NOX1: variants seen among roughly 807,000 people sequenced by gnomAD.
NOX1 encodes the protein NADH/NADPH mitogenic oxidase subunit P65-MOX.
In NOX1, 34 loss-of-function variants were observed where a neutral mutation model predicts 42.5. The ratio of observed to expected loss-of-function variants is 0.80; its 90% CI spans 0.61 to 1.07. The LOEUF (loss-of-function observed/expected upper bound fraction) is 1.07, where lower values mean the gene tolerates loss of function less well. NOX1 is among the 50% of genes least tolerant of loss of function. NOX1 has a pLI of 0.00. For synonymous variants in NOX1, 143 were observed against 152.5 expected (o/e 0.94, Z 0.46); for missense variants, 408 against 427.0 (o/e 0.96, Z 0.39).
At chrX:100,864,805 G>A (rs1301224514) in intron 2 of NOX1, among the ~76,000 whole-genome samples, 1 of 112,185 alleles carries the variant, frequency 8.9e-6, no homozygotes, top group Non-Finnish European at 1.9e-5. Flanking sequence ...GGACTGCTAT[G>A]GAGTGTGACA....
chrX:100,848,533 C>A (rs2085089472), intron 12 of NOX1, 97 bp downstream of exon 12: 2 of 798,772 alleles, frequency 2.5e-6, no homozygotes, highest in African/African-American at 4.2e-5. Flanking sequence ...CTCAGGTGAT[C>A]CACCCACTTC....
At chrX:100,855,253 C>G in intron 7 of NOX1, 1 of 542,783 alleles carries the variant, frequency 1.8e-6, no homozygotes, top group Admixed American at 2.4e-5. Context: ...TGTCACTTCT[C>G]TGGCTCTCCT....
intron 8 of NOX1, among the ~76,000 whole-genome samples, chrX:100,850,831 A>G (rs1163115094): frequency 9.1e-6 from 1 of 109,485 alleles, no homozygotes; most frequent in African/African-American, 3.3e-5. Flanking sequence ...AGGTATGCCA[A>G]ACCCAAGTTC....
intron 2 of NOX1, among the ~76,000 whole-genome samples, chrX:100,864,164 A>G (rs2147917562): frequency 9.0e-6 from 1 of 110,788 alleles, no homozygotes; most frequent in Admixed American, 9.6e-5. Context: ...CAATTTTTGT[A>G]TTTTTGGTAG....
In NOX1 at chrX:100,849,762, G is replaced by A. The variant is rs749829288; in HGVS notation, c.1296+10C>T. The A allele has an allele frequency of 1.7e-6, 2 of 1,192,141 alleles. No individual in the cohort carries two copies. The highest frequency in any genetic ancestry group is 4.6e-5 in the Admixed American group (2 of 43,539). ...TCAGGCCAGAAGAAAAGTGATATAC[G>A]GGATTATACCTTTTTTGTTTTGAGG... On this transcript the variant is annotated intron_variant, in intron 10 of 12. Coordinates refer to ENST00000372966, the MANE Select transcript of NOX1 (RefSeq NM_007052.5).
intron 7 of NOX1, among the ~76,000 whole-genome samples, chrX:100,855,101 C>T (rs1462451522): frequency 8.9e-6 from 1 of 112,173 alleles, no homozygotes; most frequent in Non-Finnish European, 1.9e-5. Flanking sequence ...ACCTGTTATA[C>T]AATTAGTCAC....
intron 1 of NOX1, among the ~76,000 whole-genome samples, chrX:100,872,303 G>A (rs753243722): frequency 1.4e-4 from 16 of 111,251 alleles, no homozygotes; most frequent in South Asian, 3.8e-4. Context: ...TTTCTGGATC[G>A]CAAAGAGACA....
chrX:100,848,582 C>A lies in NOX1; in HGVS notation c.1568+48G>T, dbSNP rs749152980. 8.6e-6 allele frequency: 10 copies of A among 1,169,245 alleles called. No homozygotes were observed. The Admixed American group carries it at 1.4e-4, about 16-fold the overall frequency. On this transcript the variant is annotated intron_variant, in intron 12 of 12. Coordinates refer to ENST00000372966, the MANE Select transcript of NOX1 (RefSeq NM_007052.5). The stretch of plus-strand genomic sequence containing the variant: ...GCTGAGATTACAGGCAGTAAGCCAC[C>A]ACGCACGGCCCCTGTAAACTCATCT...
At chrX:100,853,332 C>CTCTT (rs757872071) in intron 7 of NOX1, among the ~76,000 whole-genome samples, 631 of 19,316 alleles carry the variant, frequency 0.033, 56 homozygotes, top group East Asian at 0.064. Context: ...CTCTCTCTTT[C>CTCTT]TCTTTCTTTC....
chrX:100,865,338 C>T (rs1217924424), intron 2 of NOX1, among the ~76,000 whole-genome samples: 2 of 112,849 alleles, frequency 1.8e-5, no homozygotes, highest in Non-Finnish European at 3.7e-5. Context: ...TATAATTTCA[C>T]AGTTCCATAT....
chrX:100,850,431 G>A (rs1008483079), intron 8 of NOX1, 45 bp from the exon 9 acceptor site: 58 of 839,545 alleles, frequency 6.9e-5, no homozygotes, highest in Non-Finnish European at 9.4e-5. Flanking sequence ...CTCTAATGAC[G>A]ACAGGGACAG....
At chrX:100,861,155 G>A (rs1426233213) in intron 7 of NOX1, among the ~76,000 whole-genome samples, 1 of 111,546 alleles carries the variant, frequency 9.0e-6, no homozygotes, top group East Asian at 2.8e-4. Context: ...TTCCCACGTG[G>A]TCTTAAGGTG....
In NOX1 at chrX:100,853,286, CTT is replaced by C. The variant is rs763870867; in HGVS notation, c.805-1963_805-1962del. 2.8e-3 allele frequency among the ~76,000 whole-genome samples: 173 copies of C among 60,759 alleles called. 1 individual carries two copies. Among genetic ancestry groups the C allele is most frequent in the African/African-American group, 9.3e-3 (149 of 15,979 alleles). 52.8% of individuals were successfully genotyped at this position (60,759 alleles called of 115,157 possible). A position where few individuals can be genotyped will look rare whatever the true frequency, so the allele number is the denominator to read the frequency against. On this transcript the variant is annotated intron_variant, in intron 7 of 12. Transcript: ENST00000372966. ...CCTTTCTTTCTTTCTTTCTTTCTTT[CTT>C]TCTTTCTTTCTTTCTTTCTTTCTTT... is the stretch of plus-strand genomic sequence containing the variant.
Position 100,870,818 on chromosome X carries a change from G to C in NOX1, c.46-4C>G. Reference sequence around the variant, plus strand: ...CATTCAGCCCTAACCAAACAACCTAGAGAAAGAAAAAAAAACATGCAAAGA... The same window carrying C: ...CATTCAGCCCTAACCAAACAACCTACAGAAAGAAAAAAAAACATGCAAAGA... On this transcript the variant is annotated splice_region_variant and splice_polypyrimidine_tract_variant and intron_variant, in intron 1 of 12. Transcript: ENST00000372966. 1 of 1,107,057 alleles carries C rather than the reference G, an allele frequency of 9.0e-7. No homozygotes were observed. The highest frequency in any genetic ancestry group is 1.2e-6 in the Non-Finnish European group (1 of 814,874). 91.2% of individuals were successfully genotyped at this position (1,107,057 alleles called of 1,213,427 possible). A position where few individuals can be genotyped will look rare whatever the true frequency, so the allele number is the denominator to read the frequency against.
chrX:100,857,403 G>T (rs1189410932), intron 7 of NOX1, among the ~76,000 whole-genome samples: 1 of 111,910 alleles, frequency 8.9e-6, no homozygotes, highest in Non-Finnish European at 1.9e-5. Flanking sequence ...TCAGTAATGG[G>T]ATTGCTAGGT....
intron 12 of NOX1, among the ~76,000 whole-genome samples, chrX:100,845,891 C>A (rs1197885822): frequency 9.1e-6 from 1 of 109,444 alleles, no homozygotes; most frequent in Non-Finnish European, 1.9e-5. Flanking sequence ...TCACGCCACT[C>A]TCCTGCCTCA....
intron 5 of NOX1, 33 bp downstream of exon 5, chrX:100,862,636 G>A: frequency 8.4e-7 from 1 of 1,190,444 alleles, no homozygotes; most frequent in Non-Finnish European, 1.1e-6. Flanking sequence ...CTCATGACCA[G>A]ATCTCAGATG....
chrX:100,853,410 CCTTT>C (rs958077271), intron 7 of NOX1, among the ~76,000 whole-genome samples: 6 of 87,285 alleles, frequency 6.9e-5, no homozygotes, highest in Non-Finnish European at 8.9e-5. Flanking sequence ...TTGCGTCCTT[CCTTT>C]CTTTCTTTCT....
At chrX:100,849,662 CA>C in intron 10 of NOX1, 109 bp downstream of exon 10, 1 of 795,204 alleles carries the variant, frequency 1.3e-6, no homozygotes. Flanking sequence ...CACTTATTCT[CA>C]TAACTCCAGG....
Sources: gnomAD v4.1 joint callset for allele counts (sites outside exome capture counted in the v4.1 genomes callset) on GRCh38, gnomAD v4.1.1 for gene constraint, MANE v1.5 for transcripts, NCBI Gene and HGNC (gene_info 2026-07-23, HGNC 2026-07-21) for gene names.